EML5: variants seen among roughly 807,000 people sequenced by gnomAD.
EML5 encodes the protein echinoderm microtubule-associated protein-like 5.
EML5 carries 120 observed loss-of-function variants against 250.0 expected under a neutral mutation model. The observed-to-expected ratio is 0.48, with a 90% confidence interval of 0.41 to 0.56. The LOEUF is 0.56. Among genes scored for constraint, EML5 ranks in the 20% least tolerant of loss-of-function variants. The pLI is 0.00. For synonymous variants in EML5, 771 were observed against 806.5 expected, an observed-to-expected ratio of 0.96 and a Z score of 0.75; for missense variants, 2,006 against 2,437.6, an observed-to-expected ratio of 0.82 and a Z score of 3.73.
Position 88,681,880 on chromosome 14 carries a change from A to G in EML5, c.3124+10T>C, listed in dbSNP as rs758885901. ...AGCTTAATCTACGTTCAAGTGTGAGAGCCTCTTACCCTTTTTCAGCTTCCG... is the reference window on the plus strand; with the variant it reads ...AGCTTAATCTACGTTCAAGTGTGAGGGCCTCTTACCCTTTTTCAGCTTCCG... On this transcript the variant is annotated intron_variant, in intron 21 of 43. Transcript: ENST00000554922. The G allele has an allele frequency of 4.4e-6, 7 of 1,595,924 alleles. No homozygotes were observed. In the South Asian group the frequency reaches 8.0e-5, roughly 18 times the overall value.
Position 88,702,439 on chromosome 14 carries a change from A to C in EML5, c.2238+7T>G. 3 of 1,595,648 alleles carry C rather than the reference A, an allele frequency of 1.9e-6. No homozygotes were observed. Among genetic ancestry groups the C allele is most frequent in the Non-Finnish European group, 2.6e-6 (3 of 1,172,238 alleles). ...TATCTGGCTTATTGTCAGTCTTTCA[A>C]ACCTACCTGGCCTGTTGCCACGTAG... On this transcript the variant is annotated splice_region_variant and intron_variant, in intron 14 of 43. Coordinates refer to ENST00000554922, the MANE Select transcript of EML5 (RefSeq NM_183387.3).
chr14:88,675,514 G>A (rs1016391959), intron 21 of EML5, among the ~76,000 whole-genome samples: 1 of 152,198 alleles, frequency 6.6e-6, no homozygotes, highest in Non-Finnish European at 1.5e-5. Flanking sequence ...GAGTAGAGGG[G>A]CCCGTGGCCT....
rs2093284369 is a variant in EML5 at position 88,704,767 on chromosome 14, C to CA, written c.2051+92dup. The CA allele has an allele frequency of 9.3e-6, 8 of 856,454 alleles. No individual in the cohort carries two copies. In the South Asian group the frequency reaches 1.5e-4, roughly 16 times the overall value. 53.1% of individuals were successfully genotyped at this position (856,454 alleles called of 1,614,324 possible). On this transcript the variant is annotated intron_variant, in intron 13 of 43. Transcript: ENST00000554922. ...TTGTATCCTTTCGGATATGTCATTT[C>CA]AGGGGATACAGTCAGTTCTATCATT...
At chr14:88,669,868 A>C (rs1375147383) in intron 21 of EML5, among the ~76,000 whole-genome samples, 9 of 152,154 alleles carry the variant, frequency 5.9e-5, no homozygotes, top group Admixed American at 1.3e-4. Context: ...ACCCTCTGGG[A>C]CAGAGATCCC....
At chr14:88,772,265 A>C (rs2094400788) in intron 1 of EML5, among the ~76,000 whole-genome samples, 1 of 152,118 alleles carries the variant, frequency 6.6e-6, no homozygotes. Flanking sequence ...ATCTTACATC[A>C]CAACTACTTC....
Position 88,664,587 on chromosome 14 carries a change from G to C in EML5, c.3315C>G (p.Ser1105Arg). 1 of 1,608,348 alleles carries C rather than the reference G, an allele frequency of 6.2e-7. No individual in the cohort carries two copies. Among genetic ancestry groups the C allele is most frequent in the Non-Finnish European group, 8.5e-7 (1 of 1,178,174 alleles). Residue 1105 changes from serine (S) to arginine (R), a missense_variant, in exon 23 of 44, where the codon AGC becomes AGG. By Grantham distance (110) the Ser-to-Arg change is moderately radical. This residue lies in a region of EML5 where 1,375 missense variants were observed against 1,590.3 expected (regional missense o/e 0.86). Coordinates refer to ENST00000554922, the MANE Select transcript of EML5 (RefSeq NM_183387.3). ...GKYLAVASHDSFIDIYNVMSS... is the reference protein window; with the variant it reads ...GKYLAVASHDRFIDIYNVMSS... Reference sequence around the variant, plus strand: ...TCATTACATTGTATATATCTATAAAGCTGTCATGGGATGCTACAGCAAGAT... The same window carrying C: ...TCATTACATTGTATATATCTATAAACCTGTCATGGGATGCTACAGCAAGAT...
At chr14:88,627,544 G>T in intron 34 of EML5, 102 bp downstream of exon 34, 1 of 1,217,374 alleles carries the variant, frequency 8.2e-7, no homozygotes, top group Non-Finnish European at 1.1e-6. Context: ...TCCACTGAAT[G>T]ATTGTTTCAA....
chr14:88,711,535 ACT>A (rs1226048228), intron 10 of EML5, among the ~76,000 whole-genome samples: 1 of 151,670 alleles, frequency 6.6e-6, no homozygotes. Context: ...GTGAGAATTC[ACT>A]CACTATCACA....
At chr14:88,660,184 G>A (rs2033416) in intron 25 of EML5, among the ~76,000 whole-genome samples, 25,828 of 151,366 alleles carry the variant, frequency 0.17, 2,936 homozygotes, top group African/African-American at 0.32. Flanking sequence ...TCAAGAGGCT[G>A]AGGTGGGAGG....
chr14:88,656,271 G>A (rs192991016), intron 27 of EML5, among the ~76,000 whole-genome samples: 20 of 152,226 alleles, frequency 1.3e-4, no homozygotes, highest in East Asian at 1.9e-4. Flanking sequence ...TAAACACCAC[G>A]GAATACTATG....
intron 21 of EML5, among the ~76,000 whole-genome samples, chr14:88,676,618 T>C (rs1483816289): frequency 6.6e-6 from 1 of 152,118 alleles, no homozygotes; most frequent in Non-Finnish European, 1.5e-5. Flanking sequence ...CTTCACAGAA[T>C]TAGAAAAAAA....
intron 7 of EML5, among the ~76,000 whole-genome samples, chr14:88,734,850 A>G (rs1884977043): frequency 6.6e-6 from 1 of 152,176 alleles, no homozygotes; most frequent in African/African-American, 2.4e-5. Flanking sequence ...AAGAAGAACA[A>G]AAAGGGAAGG....
At chr14:88,679,124 A>G (rs1320901976) in intron 21 of EML5, among the ~76,000 whole-genome samples, 1 of 150,234 alleles carries the variant, frequency 6.7e-6, no homozygotes, top group Non-Finnish European at 1.5e-5. Context: ...TGGCCTTCTT[A>G]TAAGGACATC....
intron 8 of EML5, among the ~76,000 whole-genome samples, chr14:88,719,274 T>C (rs967354156): frequency 1.1e-4 from 17 of 152,174 alleles, no homozygotes; most frequent in Admixed American, 2.0e-4. Context: ...TAGTCACAGC[T>C]ACTTGGAAGA....
chr14:88,782,446 A>C (rs2094506963), intron 1 of EML5, among the ~76,000 whole-genome samples: 1 of 152,248 alleles, frequency 6.6e-6, no homozygotes, highest in Admixed American at 6.5e-5. Flanking sequence ...AAGAACGAGG[A>C]GCCAAAGGCT....
At chr14:88,684,872 ACATT>A in intron 20 of EML5, 139 bp downstream of exon 20, 1 of 716,506 alleles carries the variant, frequency 1.4e-6, no homozygotes, top group Non-Finnish European at 2.0e-6. Context: ...TTTTCTGTAT[ACATT>A]AAATTTTTTT....
At chr14:88,715,841 T>C (rs1314912126) in intron 8 of EML5, among the ~76,000 whole-genome samples, 8 of 151,916 alleles carry the variant, frequency 5.3e-5, no homozygotes, top group Admixed American at 5.2e-4. Context: ...CTTTTTGACG[T>C]TTTTAAATAG....
chr14:88,654,850 C>T (rs1288990812), intron 27 of EML5, among the ~76,000 whole-genome samples: 1 of 151,984 alleles, frequency 6.6e-6, no homozygotes, highest in Non-Finnish European at 1.5e-5. Flanking sequence ...TTTTCTGTCT[C>T]GTTGATCTAA....
intron 1 of EML5, among the ~76,000 whole-genome samples, chr14:88,784,978 TG>T (rs2094536298): frequency 6.6e-6 from 1 of 152,154 alleles, no homozygotes; most frequent in African/African-American, 2.4e-5. Flanking sequence ...AAAGAAAACG[TG>T]GTATATATAC....
Sources: gnomAD v4.1 joint callset for allele counts (sites outside exome capture counted in the v4.1 genomes callset) on GRCh38, gnomAD v4.1.1 for gene constraint, gnomAD v4.1.1 regional missense constraint, MANE v1.5 for transcripts, NCBI Gene and HGNC (gene_info 2026-07-23, HGNC 2026-07-21) for gene names.